Variants in CHST9 observed in about 807,000 individuals in gnomAD.
The protein encoded by CHST9 is GalNAc-4-sulfotransferase 2.
CHST9 carries 41 observed loss-of-function variants against 44.4 expected under a neutral mutation model. The observed-to-expected ratio is 0.92, with a 90% CI of 0.72 to 1.20. The LOEUF is 1.20. CHST9 is among the 50% of genes most tolerant of loss of function. CHST9 has a pLI of 0.00. For synonymous variants in CHST9, 171 were observed against 178.4 expected, an observed-to-expected ratio of 0.96 and a Z score of 0.33; for missense variants, 504 against 516.5, an observed-to-expected ratio of 0.98 and a Z score of 0.23.
chr18:27,024,266 A>C, intron 3 of CHST9, 109 bp from the exon 4 acceptor site: 1 of 841,188 alleles, frequency 1.2e-6, no homozygotes, highest in Non-Finnish European at 1.8e-6. Flanking sequence ...ATTTGTAACA[A>C]GGAAAATGAT....
At chr18:26,997,753 C>T (rs1047518561) in intron 4 of CHST9, among the ~76,000 whole-genome samples, 4 of 152,148 alleles carry the variant, frequency 2.6e-5, no homozygotes, top group Non-Finnish European at 5.9e-5. Flanking sequence ...TACTATACTA[C>T]CTAACAAGAC....
chr18:27,014,478 A>G (rs1386446741), intron 4 of CHST9, among the ~76,000 whole-genome samples: 1 of 148,176 alleles, frequency 6.7e-6, no homozygotes, highest in African/African-American at 2.5e-5. Context: ...AAAAAAAAAA[A>G]AAAAAAAAAA....
At position 26,916,518 on chromosome 18, in the gene CHST9, T is replaced by C. The variant is rs1221604061; in HGVS notation, c.1073A>G (p.Tyr358Cys). The C allele has an allele frequency of 1.2e-6, 2 of 1,613,866 alleles. No homozygotes were observed. The highest frequency in any genetic ancestry group is 1.7e-5 in the Admixed American group (1 of 60,008). The change falls in exon 6 of 6, where the codon TAT becomes TGT. Residue 358 changes from tyrosine (Y) to cysteine (C), a missense_variant. Tyr to Cys is a radical substitution (Grantham distance 194). Transcript: ENST00000618847. ...AAAATCATAGTTGATCAAACACGGA[T>C]AGCAGAGTTTGCTGACCTTTTCCCA... ...IHWEKVSKLC[Y>C]PCLINYDFVG...
At chr18:27,042,888 G>T (rs1307644480) in intron 3 of CHST9, among the ~76,000 whole-genome samples, 1 of 149,262 alleles carries the variant, frequency 6.7e-6, no homozygotes, top group African/African-American at 2.5e-5. Context: ...TCTTATATTT[G>T]CTCCCCAACC....
intron 4 of CHST9, among the ~76,000 whole-genome samples, chr18:26,948,190 T>A (rs1442779109): frequency 1.3e-5 from 2 of 152,100 alleles, no homozygotes; most frequent in African/African-American, 4.8e-5. Context: ...AAGTGGGAGC[T>A]GAACAATGAG....
chr18:27,010,344 C>T (rs2057068015), intron 4 of CHST9, among the ~76,000 whole-genome samples: 1 of 152,190 alleles, frequency 6.6e-6, no homozygotes, highest in Non-Finnish European at 1.5e-5. Flanking sequence ...ACAGCCTCCT[C>T]TCCCTGTGTT....
chr18:27,164,119 C>T (rs28407882), intron 1 of CHST9, among the ~76,000 whole-genome samples: 1 of 151,882 alleles, frequency 6.6e-6, no homozygotes, highest in Admixed American at 6.6e-5. Flanking sequence ...CAGGTTGCCC[C>T]GAAGAGGGAA....
At chr18:27,147,777 C>T (rs2058625347) in intron 1 of CHST9, 1 of 152,174 alleles carries the variant, frequency 6.6e-6, no homozygotes, top group African/African-American at 2.4e-5. Flanking sequence ...ACACCTTCCT[C>T]TGTAAACCCC....
At chr18:27,127,821 A>G (rs1228698194) in intron 2 of CHST9, among the ~76,000 whole-genome samples, 2 of 152,154 alleles carry the variant, frequency 1.3e-5, no homozygotes, top group Admixed American at 1.3e-4. Flanking sequence ...AGGAGGAAGT[A>G]GCTGAGAGGG....
chr18:27,076,702 C>G (rs1483846641), intron 2 of CHST9, among the ~76,000 whole-genome samples: 1 of 152,178 alleles, frequency 6.6e-6, no homozygotes, highest in African/African-American at 2.4e-5. Flanking sequence ...GGTCTTGCAA[C>G]TTAAATTCAG....
At chr18:27,110,620 C>A (rs2058262948) in intron 2 of CHST9, among the ~76,000 whole-genome samples, 1 of 152,170 alleles carries the variant, frequency 6.6e-6, no homozygotes. Context: ...AACACACTAC[C>A]TAGAGGGAAA....
At chr18:27,008,478 CCTAAGCATG>C (rs1215632452) in intron 4 of CHST9, among the ~76,000 whole-genome samples, 1 of 152,164 alleles carries the variant, frequency 6.6e-6, no homozygotes, top group East Asian at 1.9e-4. Context: ...CTTGGTCCCT[CCTAAGCATG>C]CTATATTAAA....
intron 4 of CHST9, among the ~76,000 whole-genome samples, chr18:26,969,370 C>CTGTGTGTGTGTGTGTGTGTG (rs577001525): frequency 4.1e-5 from 5 of 121,910 alleles, no homozygotes; most frequent in African/African-American, 1.6e-4. Flanking sequence ...TTCTCTCTCT[C>CTGTGTGTGTGTGTGTGTGTG]TCTCTCTGTG....
intron 3 of CHST9, among the ~76,000 whole-genome samples, chr18:27,027,401 G>A (rs984010214): frequency 6.6e-6 from 1 of 152,158 alleles, no homozygotes; most frequent in African/African-American, 2.4e-5. Flanking sequence ...TTTACACACA[G>A]ATATTTGGAT....
intron 2 of CHST9, among the ~76,000 whole-genome samples, chr18:27,123,535 A>ATTC (rs1598740333): frequency 6.6e-6 from 1 of 152,214 alleles, no homozygotes; most frequent in East Asian, 1.9e-4. Flanking sequence ...GTGGGTTTAA[A>ATTC]TTCTACAGGA....
rs1338817461 is a variant in CHST9 at position 26,907,041 on chromosome 18, T to G, written c.*9218A>C. 1 of 152,246 alleles carries G rather than the reference T, an allele frequency of 6.6e-6. No individual in the cohort carries two copies. Among genetic ancestry groups the G allele is most frequent in the Non-Finnish European group, 1.5e-5 (1 of 68,088 alleles). The allele number at this position is 152,246 out of a possible 1,614,324, so 9.4% of individuals were successfully genotyped here. On this transcript the variant is annotated 3_prime_UTR_variant, in exon 6 of 6. Transcript: ENST00000618847. Reference sequence around the variant, plus strand: ...CAGAACTGGAATTGGATTTGCATTTTAAAGTGATTACAAGGGCAGCTGTAT... The same window carrying G: ...CAGAACTGGAATTGGATTTGCATTTGAAAGTGATTACAAGGGCAGCTGTAT...
At chr18:26,930,058 G>T (rs2055849251) in intron 5 of CHST9, among the ~76,000 whole-genome samples, 1 of 152,220 alleles carries the variant, frequency 6.6e-6, no homozygotes, top group South Asian at 2.1e-4. Flanking sequence ...AGATTGGCCT[G>T]TGTCAGCACC....
chr18:26,990,578 T>C (rs761502563), intron 4 of CHST9, among the ~76,000 whole-genome samples: 24 of 152,338 alleles, frequency 1.6e-4, no homozygotes, highest in Non-Finnish European at 3.1e-4. Flanking sequence ...AATTAATTAA[T>C]GGCCTTAGCA....
At chr18:27,153,384 AGG>A (rs2058673313) in intron 1 of CHST9, among the ~76,000 whole-genome samples, 1 of 152,106 alleles carries the variant, frequency 6.6e-6, no homozygotes, top group African/African-American at 2.4e-5. Context: ...CTTGGAGGCA[AGG>A]ACAGAATCCT....
Sources: gnomAD v4.1 joint callset for allele counts (sites outside exome capture counted in the v4.1 genomes callset) on GRCh38, gnomAD v4.1.1 for gene constraint, MANE v1.5 for transcripts, NCBI Gene and HGNC (gene_info 2026-07-23, HGNC 2026-07-21) for gene names.